Variants in KLF8 observed in about 807,000 individuals in gnomAD.
KLF8 encodes KLF transcription factor 8.
A neutral mutation model predicts 18.2 loss-of-function variants in KLF8; 10 were observed. That is an observed-to-expected ratio of 0.55 (90% confidence interval 0.34 to 0.93). The LOEUF (loss-of-function observed/expected upper bound fraction) is 0.93, where lower values mean the gene tolerates loss of function less well. Ranked by LOEUF, KLF8 falls within the 40% of genes least tolerant of loss-of-function variation. The probability of loss-of-function intolerance (pLI) is 0.02; values close to 1 mark genes in which losing one functional copy is unlikely to be tolerated. For missense variants in KLF8, 264 were observed against 277.9 expected, an observed-to-expected ratio of 0.95 and a Z score of 0.36; for synonymous variants, 109 against 97.3, an observed-to-expected ratio of 1.12 and a Z score of -0.71.
At chrX:56,030,101 A>G in the KLF8 span, among the ~76,000 whole-genome samples, 14 of 112,192 alleles carry the variant, frequency 1.2e-4, no homozygotes, top group Admixed American at 1.2e-3. Context: ...GGCCTCACAC[A>G]GTCTTTCATA....
chrX:55,965,775 C>T, the KLF8 span, among the ~76,000 whole-genome samples: 1 of 112,047 alleles, frequency 8.9e-6, no homozygotes, highest in Non-Finnish European at 1.9e-5. Context: ...AGAACTCAAT[C>T]GCATTCACAA....
the KLF8 span, among the ~76,000 whole-genome samples, chrX:56,093,886 G>T: frequency 1.0e-5 from 1 of 100,478 alleles, no homozygotes; most frequent in African/African-American, 3.6e-5. Context: ...ATTGTAAATG[G>T]CAACAACGTA....
the KLF8 span, among the ~76,000 whole-genome samples, chrX:55,997,155 G>A: frequency 8.9e-6 from 1 of 111,802 alleles, no homozygotes; most frequent in Non-Finnish European, 1.9e-5. Flanking sequence ...CCTGGGGGAG[G>A]CTGATATACA....
At chrX:56,035,810 A>G in the KLF8 span, among the ~76,000 whole-genome samples, 1 of 111,186 alleles carries the variant, frequency 9.0e-6, no homozygotes, top group African/African-American at 3.3e-5. Context: ...CGTCTTTTTA[A>G]TTGGATTGTT....
the KLF8 span, among the ~76,000 whole-genome samples, chrX:56,137,889 C>A: frequency 3.7e-5 from 4 of 107,517 alleles, no homozygotes; most frequent in Non-Finnish European, 7.7e-5. Flanking sequence ...TGTGAAAAAA[C>A]CATACAGAAG....
the KLF8 span, among the ~76,000 whole-genome samples, chrX:56,088,191 A>G: frequency 3.6e-5 from 4 of 111,526 alleles, no homozygotes; most frequent in South Asian, 3.7e-4. Context: ...CACCAGAAGC[A>G]ATGCTCAGGG....
the KLF8 span, among the ~76,000 whole-genome samples, chrX:56,082,720 T>A: frequency 4.0e-4 from 45 of 111,901 alleles, no homozygotes; most frequent in Non-Finnish European, 7.5e-4. Context: ...TTGAGTGTGT[T>A]ATAGAATTTC....
the KLF8 span, among the ~76,000 whole-genome samples, chrX:56,049,673 A>G: frequency 0.53 from 53,805 of 102,033 alleles, 13,603 homozygotes; most frequent in East Asian, 0.75. Context: ...GTTTGCCAGT[A>G]TTTTATTGAG....
At chrX:56,025,065 G>A in the KLF8 span, among the ~76,000 whole-genome samples, 7 of 112,230 alleles carry the variant, frequency 6.2e-5, no homozygotes, top group Non-Finnish European at 1.1e-4. Flanking sequence ...GGGTCCGTAG[G>A]GACTAATTCT....
the KLF8 span, among the ~76,000 whole-genome samples, chrX:56,100,283 C>T: frequency 9.0e-6 from 1 of 111,430 alleles, no homozygotes; most frequent in African/African-American, 3.3e-5. Flanking sequence ...ACAATTGAGA[C>T]ACTGCTTAGA....
the KLF8 span, among the ~76,000 whole-genome samples, chrX:56,041,322 C>G: frequency 9.0e-6 from 1 of 110,918 alleles, no homozygotes; most frequent in Non-Finnish European, 1.9e-5. Flanking sequence ...CAAGGTTTCA[C>G]CATGTTGGCC....
the KLF8 span, among the ~76,000 whole-genome samples, chrX:56,133,678 G>C: frequency 4.2e-4 from 47 of 111,487 alleles, 1 homozygote; most frequent in East Asian, 0.012. Context: ...AATCATACAG[G>C]AGAAAGAAAT....
At chrX:56,169,445 G>C in the KLF8 span, among the ~76,000 whole-genome samples, 1 of 111,059 alleles carries the variant, frequency 9.0e-6, no homozygotes, top group African/African-American at 3.3e-5. Flanking sequence ...TGGCATTTCT[G>C]GACCTGCCTT....
the KLF8 span, among the ~76,000 whole-genome samples, chrX:56,186,883 G>T: frequency 8.9e-6 from 1 of 112,056 alleles, no homozygotes; most frequent in Non-Finnish European, 1.9e-5. Context: ...GCAGTGTGTA[G>T]AAGGAAATTT....
the KLF8 span, among the ~76,000 whole-genome samples, chrX:55,947,141 A>G: frequency 9.0e-6 from 1 of 111,374 alleles, no homozygotes; most frequent in African/African-American, 3.3e-5. Flanking sequence ...TACTGAGTAT[A>G]TACCCAAAGG....
the KLF8 span, among the ~76,000 whole-genome samples, chrX:56,158,260 G>A: frequency 2.7e-5 from 3 of 111,579 alleles, no homozygotes; most frequent in East Asian, 5.6e-4. Flanking sequence ...TCTCTGTTTT[G>A]GTACCAGTAC....
chrX:56,154,481 G>T, the KLF8 span, among the ~76,000 whole-genome samples: 1 of 111,661 alleles, frequency 9.0e-6, no homozygotes, highest in African/African-American at 3.3e-5. Flanking sequence ...TTAAATGTTA[G>T]ACCTAAAACC....
the KLF8 span, among the ~76,000 whole-genome samples, chrX:55,963,028 G>T: frequency 8.9e-6 from 1 of 112,046 alleles, no homozygotes; most frequent in Non-Finnish European, 1.9e-5. Context: ...AATAAAAGAT[G>T]TTGTTTTCTG....
chrX:56,061,708 C>T, the KLF8 span, among the ~76,000 whole-genome samples: 1 of 110,928 alleles, frequency 9.0e-6, no homozygotes, highest in Non-Finnish European at 1.9e-5. Context: ...AGTTCAAGTC[C>T]TGAATATTCT....
Sources: allele counts gnomAD v4.1 joint callset (sites outside exome capture counted in the v4.1 genomes callset), GRCh38; gene constraint gnomAD v4.1.1; transcripts MANE v1.5; gene names NCBI Gene and HGNC (gene_info 2026-07-23, HGNC 2026-07-21).